Variants in HSDL2 observed in about 807,000 individuals in gnomAD.
HSDL2 encodes hydroxysteroid dehydrogenase like 2, also known as hydroxysteroid dehydrogenase-like protein 2.
HSDL2 carries 27 observed loss-of-function variants against 46.3 expected under a neutral mutation model. The observed-to-expected ratio is 0.58, with a 90% CI of 0.43 to 0.80. The LOEUF is 0.80. Ranked by LOEUF, HSDL2 falls within the 30% of genes least tolerant of loss-of-function variation. The pLI, the probability that HSDL2 is intolerant of heterozygous loss-of-function variation, is 0.00. For synonymous variants in HSDL2, 153 were observed against 163.6 expected, an observed-to-expected ratio of 0.94 and a Z score of 0.50; for missense variants, 451 against 502.7, an observed-to-expected ratio of 0.90 and a Z score of 0.98.
At position 112,453,905 on chromosome 9, in the gene HSDL2, G is replaced by T; in HGVS notation, c.866-108G>T. On this transcript the variant is annotated intron_variant, in intron 8 of 10. Transcript: ENST00000398805. ...ACTTAATGCATTTAAAGTCATTTTG[G>T]TCAAATAGGTCTAATTGGTGGCAAG... The T allele has an allele frequency of 5.7e-6, 6 of 1,045,186 alleles. No individual in the cohort carries two copies. In the South Asian group the frequency reaches 6.8e-5, roughly 12 times the overall value. 64.7% of individuals were successfully genotyped at this position (1,045,186 alleles called of 1,614,324 possible).
intron 8 of HSDL2, among the ~76,000 whole-genome samples, chr9:112,448,762 A>G (rs895619434): frequency 6.6e-6 from 1 of 151,728 alleles, no homozygotes; most frequent in Non-Finnish European, 1.5e-5. Flanking sequence ...TCACTGCGTT[A>G]GCCAGGATGG....
intron 6 of HSDL2, among the ~76,000 whole-genome samples, chr9:112,426,062 T>A (rs1007461537): frequency 6.6e-6 from 1 of 152,140 alleles, no homozygotes; most frequent in African/African-American, 2.4e-5. Flanking sequence ...TGATAAAATA[T>A]CCAAACATCA....
intron 1 of HSDL2, among the ~76,000 whole-genome samples, chr9:112,400,191 C>G (rs1195549327): frequency 6.6e-6 from 1 of 152,286 alleles, no homozygotes; most frequent in East Asian, 1.9e-4. Context: ...TGAAAATCAC[C>G]TTGGGATATC....
At chr9:112,414,182 G>C (rs1282425573) in intron 4 of HSDL2, 1 of 153,202 alleles carries the variant, frequency 6.5e-6, no homozygotes, top group Admixed American at 6.5e-5. Flanking sequence ...ATGGCTAGCA[G>C]ATATTTAAGA....
At position 112,393,902 on chromosome 9, in the gene HSDL2, A is replaced by G. The variant is rs551650427; in HGVS notation, c.18-10093A>G. Among the ~76,000 whole-genome samples, 117 of 152,314 alleles carry G rather than the reference A, an allele frequency of 7.7e-4. 3 individuals are homozygous for G. The South Asian group carries it at 0.024, about 31-fold the overall frequency. ...GTAAGGAGGCTTAACACAACTCTGT[A>G]TAGGAATAGTCAGGCTGGAGGTAAT... On this transcript the variant is annotated intron_variant, in intron 1 of 10. Transcript: ENST00000398805.
In HSDL2 at chr9:112,458,299, A is replaced by G. The variant is rs138439102; in HGVS notation, c.1016-1150A>G. ...AATTTTGCATCGCAGTAAAAAATAC[A>G]TAACATTTTAACCACTTCTTCTTTT... On this transcript the variant is annotated intron_variant, in intron 9 of 10. Coordinates refer to ENST00000398805, the MANE Select transcript of HSDL2 (RefSeq NM_032303.5). 6.7e-4 allele frequency among the ~76,000 whole-genome samples: 99 copies of G among 147,942 alleles called. No individual in the cohort carries two copies. The East Asian group carries it at 0.017, about 26-fold the overall frequency.
chr9:112,384,748 G>C (rs768057014), intron 1 of HSDL2, among the ~76,000 whole-genome samples: 1 of 150,324 alleles, frequency 6.7e-6, no homozygotes, highest in Non-Finnish European at 1.5e-5. Context: ...AACAAAAACA[G>C]AGTTTAGCTT....
intron 4 of HSDL2, among the ~76,000 whole-genome samples, chr9:112,409,866 A>G (rs1015750466): frequency 2.6e-5 from 4 of 152,052 alleles, no homozygotes; most frequent in African/African-American, 9.7e-5. Context: ...AAAAAAAAAA[A>G]AGACTAAAGT....
chr9:112,431,412 C>T (rs1243073346), intron 6 of HSDL2, among the ~76,000 whole-genome samples: 1 of 152,034 alleles, frequency 6.6e-6, no homozygotes, highest in East Asian at 1.9e-4. Context: ...GAGGAAGACC[C>T]ACATAGGAGA....
At chr9:112,444,882 T>C (rs1832722340) in intron 8 of HSDL2, among the ~76,000 whole-genome samples, 1 of 150,840 alleles carries the variant, frequency 6.6e-6, no homozygotes, top group Non-Finnish European at 1.5e-5. Flanking sequence ...TGTTTTTATT[T>C]TTTATTTGGT....
In HSDL2 at chr9:112,438,546, T is replaced by C. The variant is rs376461365; in HGVS notation, c.714T>C (p.Phe238=). 1 of 1,612,424 alleles carries C rather than the reference T, an allele frequency of 6.2e-7. No homozygotes were observed. The highest frequency in any genetic ancestry group is 8.5e-7 in the Non-Finnish European group (1 of 1,179,206). The change falls in exon 7 of 11, where the codon TTT becomes TTC. Residue 238 remains phenylalanine (F), a synonymous_variant. Coordinates refer to ENST00000398805, the MANE Select transcript of HSDL2 (RefSeq NM_032303.5). ...AYSIFQKPKS[F]TGNFVIDENI... ...CCATTTTCCAAAAGCCAAAAAGTTT[T>C]ACTGGCAACTTTGTCATTGATGAAA...
chr9:112,388,264 CA>C (rs541506124), intron 1 of HSDL2, among the ~76,000 whole-genome samples: 120 of 151,998 alleles, frequency 7.9e-4, no homozygotes, highest in African/African-American at 2.7e-3. Flanking sequence ...AGTTCAAGAC[CA>C]GCCTGACCAA....
At chr9:112,453,648 C>T (rs766607542) in intron 8 of HSDL2, among the ~76,000 whole-genome samples, 12 of 152,332 alleles carry the variant, frequency 7.9e-5, no homozygotes, top group Non-Finnish European at 1.8e-4. Context: ...CCGCCTTGGC[C>T]TCCCAAAGTG....
At chr9:112,382,406 T>C (rs565015618) in intron 1 of HSDL2, among the ~76,000 whole-genome samples, 2 of 152,238 alleles carry the variant, frequency 1.3e-5, no homozygotes, top group South Asian at 4.1e-4. Flanking sequence ...ATGATGAAAA[T>C]CTAATTAGAG....
intron 6 of HSDL2, among the ~76,000 whole-genome samples, chr9:112,427,840 A>G (rs973262418): frequency 3.9e-5 from 6 of 152,180 alleles, no homozygotes; most frequent in African/African-American, 1.4e-4. Context: ...TCATCATCCA[A>G]CAACTATTGA....
chr9:112,469,474 C>T (rs1440688519), intron 10 of HSDL2, among the ~76,000 whole-genome samples: 1 of 151,702 alleles, frequency 6.6e-6, no homozygotes, highest in African/African-American at 2.4e-5. Flanking sequence ...TCACTTGAGA[C>T]CAGCCTGGGC....
At position 112,457,005 on chromosome 9, in the gene HSDL2, G is replaced by A. The variant is rs1353711576; in HGVS notation, c.1016-2444G>A. ...CTACTAAAAAATATAAAAATTAGCC[G>A]GGCTTGGTGGCGCGTGCCTGTAGTC... On this transcript the variant is annotated intron_variant, in intron 9 of 10. Coordinates refer to ENST00000398805, the MANE Select transcript of HSDL2 (RefSeq NM_032303.5). 5.3e-5 allele frequency among the ~76,000 whole-genome samples: 8 copies of A among 152,054 alleles called. No homozygotes were observed. The South Asian group carries it at 8.3e-4, about 16-fold the overall frequency.
At chr9:112,386,619 C>A (rs1197269408) in intron 1 of HSDL2, among the ~76,000 whole-genome samples, 35 of 145,240 alleles carry the variant, frequency 2.4e-4, no homozygotes, top group Non-Finnish European at 2.6e-4. Context: ...CTGTCTCTAC[C>A]AAAAAAAAAT....
intron 10 of HSDL2, 75 bp downstream of exon 10, chr9:112,459,652 C>T: frequency 2.3e-6 from 3 of 1,283,998 alleles, no homozygotes; most frequent in Non-Finnish European, 3.3e-6. Context: ...TTATCCCTTC[C>T]CAAATAATCA....
Sources: allele counts gnomAD v4.1 joint callset (sites outside exome capture counted in the v4.1 genomes callset), GRCh38; gene constraint gnomAD v4.1.1; transcripts MANE v1.5; gene names NCBI Gene and HGNC (gene_info 2026-07-23, HGNC 2026-07-21).